Variants in TTN observed in about 807,000 individuals in gnomAD.
The protein encoded by TTN is titin, also known as connectin.
In TTN, 1,525 loss-of-function variants were observed where a neutral mutation model predicts 3,223.0. The observed-to-expected ratio is 0.47, with a 90% CI of 0.45 to 0.49. The LOEUF (loss-of-function observed/expected upper bound fraction) is 0.49. TTN is among the 20% of genes least tolerant of loss of function. TTN has a pLI of 0.00. For missense variants in TTN, 40,786 were observed against 43,424.0 expected (o/e 0.94, Z 5.40); for synonymous variants, 14,094 against 15,161.0 (o/e 0.93, Z 5.17).
chr2:178,556,880 A>T lies in TTN; in HGVS notation c.88274T>A (p.Val29425Asp). The T allele has an allele frequency of 1.2e-6, 2 of 1,613,798 alleles. No homozygotes were observed. The highest frequency in any genetic ancestry group is 1.7e-6 in the Non-Finnish European group (2 of 1,179,818). Reference sequence around the variant, plus strand: ...ATCGATGCAAGTAATGGGCCCTACAACCTCAGATGGATTGCTAATGGAACC... The same window carrying T: ...ATCGATGCAAGTAATGGGCCCTACATCCTCAGATGGATTGCTAATGGAACC... ...AVGSISNPSE[V>D]VGPITCIDSY... is the part of the protein sequence containing the mutation. Residue 29425 changes from valine (V) to aspartate (D), a missense_variant, in exon 330 of 363, where the codon GTT (valine) becomes GAT (aspartate). Coordinates refer to ENST00000589042, the MANE Select transcript of TTN (RefSeq NM_001267550.2).
chr2:178,646,974 A>G lies in TTN; in HGVS notation c.40222+90T>C, dbSNP rs527643506. ...TAGACTGCTCTTGTATATAATTTCA[A>G]GAAGGAATATTGTCCTGTAAATGCT... On this transcript the variant is annotated intron_variant, in intron 215 of 362. Coordinates refer to ENST00000589042, the MANE Select transcript of TTN (RefSeq NM_001267550.2). 76 of 436,084 alleles carry G rather than the reference A, an allele frequency of 1.7e-4. No individual in the cohort carries two copies. The Admixed American group carries it at 3.2e-3, about 19-fold the overall frequency. The allele number at this position is 436,084 out of a possible 1,614,324, so 27.0% of individuals were successfully genotyped here. A position where few individuals can be genotyped will look rare whatever the true frequency, so the allele number is the denominator to read the frequency against.
chr2:178,595,901 T>C, intron 294 of TTN, 92 bp from the exon 295 acceptor site: 1 of 1,332,298 alleles, frequency 7.5e-7, no homozygotes, highest in Non-Finnish European at 1.0e-6. Flanking sequence ...AAAAATGTTG[T>C]TTTGAAGAAA....
chr2:178,703,772 T>G (rs952735702), intron 106 of TTN, among the ~76,000 whole-genome samples: 2 of 152,238 alleles, frequency 1.3e-5, no homozygotes, highest in African/African-American at 4.8e-5. Context: ...CTAAGTCCTA[T>G]AAACAAAATA....
At chr2:178,556,669 A>G (rs937038817) in intron 330 of TTN, 179 bp downstream of exon 330, 8 of 671,200 alleles carry the variant, frequency 1.2e-5, no homozygotes, top group Admixed American at 9.0e-5. Context: ...AGTCAAGTCA[A>G]GAGGGCTGGA....
intron 43 of TTN, among the ~76,000 whole-genome samples, chr2:178,759,961 T>C (rs1002472186): frequency 2.0e-5 from 3 of 152,208 alleles, no homozygotes; most frequent in African/African-American, 7.2e-5. Context: ...GTAATAATTG[T>C]AGGTGATATG....
At position 178,574,339 on chromosome 2, in the gene TTN, T is replaced by C. The variant is rs780920316; in HGVS notation, c.71793A>G (p.Pro23931=). 35 of 1,613,512 alleles carry C rather than the reference T, an allele frequency of 2.2e-5. No individual in the cohort carries two copies. In the East Asian group the frequency reaches 6.2e-4, roughly 29 times the overall value. ...TGTGTCTTGTAATATTTAGAGGTAC[T>C]GGTTTTCCAGGTGGGTCAATGGGAT... is the stretch of plus-strand genomic sequence containing the variant. The part of the protein sequence containing the change: ...ALDPIDPPGK[P]VPLNITRHTV... Residue 23931 remains proline (P), a synonymous_variant, in exon 326 of 363, where the codon CCA becomes CCG. Transcript: ENST00000589042.
intron 147 of TTN, 150 bp downstream of exon 147, chr2:178,677,051 A>G (rs890998753): frequency 2.5e-5 from 9 of 360,338 alleles, no homozygotes; most frequent in African/African-American, 6.6e-5. Context: ...AAAAAAGTAG[A>G]TATCAGTGTT....
At position 178,766,265 on chromosome 2, in the gene TTN, C is replaced by A. The variant is rs551723585; in HGVS notation, c.9703+116G>T. On this transcript the variant is annotated intron_variant, in intron 41 of 362. Coordinates refer to ENST00000589042, the MANE Select transcript of TTN (RefSeq NM_001267550.2). Reference sequence around the variant, plus strand: ...GTGAAAAAAAATGTAGCTGGAACCACATGAATACCATAGGTTCTTTAGAAA... The same window carrying A: ...GTGAAAAAAAATGTAGCTGGAACCAAATGAATACCATAGGTTCTTTAGAAA... 15 of 847,304 alleles carry A rather than the reference C, an allele frequency of 1.8e-5. No homozygotes were observed. In the East Asian group the frequency reaches 3.7e-4, roughly 21 times the overall value. The allele number at this position is 847,304 out of a possible 1,614,324, so 52.5% of individuals were successfully genotyped here.
chr2:178,690,590 GA>G (rs761142056), intron 121 of TTN, among the ~76,000 whole-genome samples: 1 of 152,058 alleles, frequency 6.6e-6, no homozygotes, highest in Non-Finnish European at 1.5e-5. Flanking sequence ...TCTATTCTAA[GA>G]ATGGATAATG....
chr2:178,586,601 C>T lies in TTN; in HGVS notation c.64300G>A (p.Gly21434Arg), dbSNP rs1397887723. ...GCTACTCTAAATTTGTATTTCTTTC[C>T]TTCCTTTAGGCCAGTGACAACAAGG... ...LSLVVTGLKE[G>R]KKYKFRVAAR... is the part of the protein sequence containing the mutation. The change falls in exon 308 of 363, where the codon GGA becomes AGA. Residue 21434 changes from glycine to arginine, a missense_variant. By Grantham distance (125) the Gly-to-Arg change is moderately radical (BLOSUM62 -2). Transcript: ENST00000589042. 1.2e-6 allele frequency: 2 copies of T among 1,613,048 alleles called. No homozygotes were observed. Among genetic ancestry groups the T allele is most frequent in the Non-Finnish European group, 1.7e-6 (2 of 1,179,416 alleles).
intron 304 of TTN, 89 bp from the exon 305 acceptor site, chr2:178,588,308 AG>A: frequency 7.8e-7 from 1 of 1,282,842 alleles, no homozygotes; most frequent in East Asian, 2.5e-5. Flanking sequence ...AATCAAATAT[AG>A]GTCATCCAAT....
At chr2:178,670,407 GACA>G (rs1248157405) in intron 156 of TTN, 112 bp from the exon 157 acceptor site, 1 of 491,298 alleles carries the variant, frequency 2.0e-6, no homozygotes, top group Non-Finnish European at 3.4e-6. Flanking sequence ...ATAAAATGCA[GACA>G]ACACTTTATC....
At chr2:178,759,265 T>C in intron 43 of TTN, 93 bp from the exon 44 acceptor site, 2 of 1,244,948 alleles carry the variant, frequency 1.6e-6, no homozygotes, top group Non-Finnish European at 2.3e-6. Flanking sequence ...TACTAGTGCC[T>C]ACATTTCATA....
rs767675087 is a variant in TTN at position 178,777,845 on chromosome 2, C to G, written c.4339G>C (p.Asp1447His). The part of the protein sequence containing the change: ...MSPGRRLEET[D>H]ESQLERLYKP... Reference sequence around the variant, plus strand: ...TATAGTCTCTCAAGTTGTGACTCATCTGTCTCCTCCAGCCTACGTCCAGGG... The same window carrying G: ...TATAGTCTCTCAAGTTGTGACTCATGTGTCTCCTCCAGCCTACGTCCAGGG... Residue 1447 changes from aspartate (D) to histidine (H), a missense_variant, in exon 25 of 363, where the codon GAT becomes CAT. Transcript: ENST00000589042. 1 of 1,614,088 alleles carries G rather than the reference C, an allele frequency of 6.2e-7. No individual in the cohort carries two copies. Among genetic ancestry groups the G allele is most frequent in the East Asian group, 2.2e-5 (1 of 44,860 alleles).
intron 2 of TTN, among the ~76,000 whole-genome samples, chr2:178,802,904 A>G (rs948618194): frequency 1.9e-4 from 29 of 152,214 alleles, no homozygotes; most frequent in African/African-American, 6.8e-4. Context: ...TAACATGGAC[A>G]AGCAATTTCT....
rs567216009 is a variant in TTN, at chr2:178,682,565, C to T, written c.33094+132G>A. On this transcript the variant is annotated intron_variant, in intron 135 of 362. Coordinates refer to ENST00000589042, the MANE Select transcript of TTN (RefSeq NM_001267550.2). ...ATCAAAGAAGAAAATTCCGCATTTG[C>T]GAAATGAAACAAAGTTCTTTCCAAA... 2.7e-4 allele frequency: 242 copies of T among 882,092 alleles called. 1 individual carries two copies. The highest frequency in any genetic ancestry group is 4.6e-4 in the South Asian group (20 of 43,538). The allele number at this position is 882,092 out of a possible 1,614,324, so 54.6% of individuals were successfully genotyped here.
In TTN at chr2:178,551,019, A is replaced by G. The variant is rs903215047; in HGVS notation, c.91512T>C (p.Thr30504=). ...CAGAAGACTGTGAGGGCGGGCTTAT[A>G]GTTCCAACAGCATTTCTTGCAATTA... ...FRIIARNAVG[T]ISPPSQSSGI... The change falls in exon 336 of 363, where the codon ACT becomes ACC. Residue 30504 remains threonine (T), a synonymous_variant. Transcript: ENST00000589042. 1 of 1,613,486 alleles carries G rather than the reference A, an allele frequency of 6.2e-7. No homozygotes were observed. The highest frequency in any genetic ancestry group is 1.1e-5 in the South Asian group (1 of 91,058).
Position 178,563,712 on chromosome 2 carries a change from AG to A in TTN, c.82419del (p.Ser27474GlnfsTer14). On this transcript the variant is annotated frameshift_variant, in exon 326 of 363. Coordinates refer to ENST00000589042, the MANE Select transcript of TTN (RefSeq NM_001267550.2). LOFTEE classifies it high-confidence loss of function. This position sits in a 1 kb window ranked among gnomAD's most constrained non-coding sequence, Gnocchi z 4.5. Reference protein sequence around the residue: ...ACNPYKPPGPPSTPEVSAITK... With the variant: ...ACNPYKPPGPXSTPEVSAITK... ...GTGATTGCTGAGACTTCAGGTGTTGAGGGAGGACCTGGTGGCTTATAAGGAT... is the reference window on the plus strand; with the variant it reads ...GTGATTGCTGAGACTTCAGGTGTTGAGGAGGACCTGGTGGCTTATAAGGAT... 6.2e-7 allele frequency: 1 copy of A among 1,613,696 alleles called. No homozygotes were observed. The highest frequency in any genetic ancestry group is 8.5e-7 in the Non-Finnish European group (1 of 1,179,746).
Position 178,776,384 on chromosome 2 carries a change from G to T in TTN, c.5480C>A (p.Ala1827Glu). The change falls in exon 28 of 363, where the codon GCA (alanine) becomes GAA (glutamate). Residue 1827 changes from alanine (A) to glutamate (E), a missense_variant. Physicochemically the swap from Ala to Glu is moderately radical, Grantham distance 107. Transcript: ENST00000589042. ...EELERMAHEGALTGVTTDQKE... is the reference protein window; with the variant it reads ...EELERMAHEGELTGVTTDQKE... Reference sequence around the variant, plus strand: ...CTGATCTGTTGTTACACCTGTAAGTGCACCTTCATGAGCCATTCTCTCTAA... The same window carrying T: ...CTGATCTGTTGTTACACCTGTAAGTTCACCTTCATGAGCCATTCTCTCTAA... 6.2e-7 allele frequency: 1 copy of T among 1,612,734 alleles called. No individual in the cohort carries two copies. The highest frequency in any genetic ancestry group is 8.5e-7 in the Non-Finnish European group (1 of 1,179,966).
Sources: allele counts gnomAD v4.1 joint callset (sites outside exome capture counted in the v4.1 genomes callset), GRCh38; gene constraint gnomAD v4.1.1; non-coding constraint Gnocchi (gnomAD v3.1); transcripts MANE v1.5; gene names NCBI Gene and HGNC (gene_info 2026-07-23, HGNC 2026-07-21).